Variants in LYPLAL1 observed in about 807,000 individuals in gnomAD.
LYPLAL1 encodes lysophospholipase like 1, also known as lysophospholipase-like protein 1.
Under a neutral mutation model 19.7 loss-of-function variants are expected in LYPLAL1, and 23 were observed. The ratio of observed to expected loss-of-function variants is 1.17; its 90% confidence interval spans 0.84 to 1.65. LYPLAL1 has a LOEUF of 1.65. Ranked by LOEUF, LYPLAL1 falls within the 40% of genes most tolerant of loss-of-function variation. The probability of loss-of-function intolerance (pLI) is 0.00; values close to 1 mark genes in which losing one functional copy is unlikely to be tolerated. For synonymous variants in LYPLAL1, 119 were observed against 96.3 expected, an observed-to-expected ratio of 1.24 and a Z score of -1.38; for missense variants, 355 against 279.4, an observed-to-expected ratio of 1.27 and a Z score of -1.93.
At chr1:219,192,179 GT>G (rs1197731137) in intron 2 of LYPLAL1, among the ~76,000 whole-genome samples, 1 of 151,580 alleles carries the variant, frequency 6.6e-6, no homozygotes, top group Non-Finnish European at 1.5e-5. Flanking sequence ...TTCTACTTGG[GT>G]TTTTCACTAG....
chr1:219,386,824 G>A, the LYPLAL1 span, among the ~76,000 whole-genome samples: 2 of 151,984 alleles, frequency 1.3e-5, no homozygotes, highest in East Asian at 3.9e-4. Context: ...TTCTTGGGAC[G>A]CATAATCATC....
At chr1:219,178,257 G>A (rs1036449382) in intron 1 of LYPLAL1, among the ~76,000 whole-genome samples, 1 of 152,184 alleles carries the variant, frequency 6.6e-6, no homozygotes, top group African/African-American at 2.4e-5. Context: ...CATTTTTGAA[G>A]CAGGTACATT....
chr1:219,359,316 A>G, the LYPLAL1 span, among the ~76,000 whole-genome samples: 1 of 152,184 alleles, frequency 6.6e-6, no homozygotes, highest in East Asian at 1.9e-4. Flanking sequence ...AAGAACATAC[A>G]AAGCAAACTG....
the LYPLAL1 span, chr1:219,222,299 G>T: frequency 6.6e-6 from 1 of 152,050 alleles, no homozygotes; most frequent in Non-Finnish European, 1.5e-5. Flanking sequence ...ATTTTGAGGG[G>T]TCAGTTTCTC....
the LYPLAL1 span, among the ~76,000 whole-genome samples, chr1:219,270,103 A>T: frequency 2.0e-5 from 3 of 152,368 alleles, no homozygotes; most frequent in South Asian, 6.2e-4. Context: ...TATTGGCAGA[A>T]TCCAGGTGGA....
At chr1:219,412,263 A>G in the LYPLAL1 span, among the ~76,000 whole-genome samples, 3 of 152,020 alleles carry the variant, frequency 2.0e-5, no homozygotes, top group Non-Finnish European at 4.4e-5. Flanking sequence ...CCTGATCTCA[A>G]TGATCCTCCT....
At chr1:219,324,507 C>A in the LYPLAL1 span, among the ~76,000 whole-genome samples, 10 of 152,292 alleles carry the variant, frequency 6.6e-5, no homozygotes, top group South Asian at 2.1e-3. Context: ...GTGTTTCCTG[C>A]ATTTAATAAA....
the LYPLAL1 span, among the ~76,000 whole-genome samples, chr1:219,414,278 G>A: frequency 5.3e-5 from 8 of 152,242 alleles, no homozygotes; most frequent in South Asian, 1.7e-3. Context: ...ATTACTTTAT[G>A]TAACTAAGCT....
At chr1:219,201,235 T>A (rs1305726182) in intron 3 of LYPLAL1, among the ~76,000 whole-genome samples, 3 of 152,108 alleles carry the variant, frequency 2.0e-5, no homozygotes, top group Non-Finnish European at 4.4e-5. Flanking sequence ...CTTTTATAAT[T>A]GTTTTGAAAT....
At chr1:219,380,540 C>T in the LYPLAL1 span, among the ~76,000 whole-genome samples, 1 of 152,236 alleles carries the variant, frequency 6.6e-6, no homozygotes, top group African/African-American at 2.4e-5. Context: ...TCGAAGCTGT[C>T]AGCCAACTAT....
At chr1:219,310,560 A>T in the LYPLAL1 span, among the ~76,000 whole-genome samples, 4 of 152,348 alleles carry the variant, frequency 2.6e-5, no homozygotes, top group South Asian at 8.3e-4. Flanking sequence ...GCCTGCCCTT[A>T]TCTCACTTTG....
chr1:219,390,452 G>A, the LYPLAL1 span, among the ~76,000 whole-genome samples: 2 of 152,158 alleles, frequency 1.3e-5, no homozygotes, highest in African/African-American at 4.8e-5. Flanking sequence ...ATCACAACCA[G>A]ACAGATTTTC....
At chr1:219,236,682 T>C in the LYPLAL1 span, among the ~76,000 whole-genome samples, 1 of 152,212 alleles carries the variant, frequency 6.6e-6, no homozygotes, top group East Asian at 1.9e-4. Flanking sequence ...GAACTATAGT[T>C]GGATAGTCTA....
At chr1:219,227,413 T>G in the LYPLAL1 span, among the ~76,000 whole-genome samples, 2 of 152,232 alleles carry the variant, frequency 1.3e-5, no homozygotes, top group Non-Finnish European at 2.9e-5. Context: ...TGAAATCAAT[T>G]TGGGCTTCTT....
the LYPLAL1 span, among the ~76,000 whole-genome samples, chr1:219,322,623 A>C: frequency 6.6e-6 from 1 of 152,206 alleles, no homozygotes; most frequent in Non-Finnish European, 1.5e-5. Flanking sequence ...AACTTCTAAG[A>C]AGTAAAGAAG....
the LYPLAL1 span, among the ~76,000 whole-genome samples, chr1:219,260,979 A>G: frequency 6.6e-6 from 1 of 152,214 alleles, no homozygotes; most frequent in East Asian, 1.9e-4. Flanking sequence ...ATGCCTTTCA[A>G]TAATCCTTGG....
At chr1:219,287,921 A>C in the LYPLAL1 span, among the ~76,000 whole-genome samples, 1 of 152,180 alleles carries the variant, frequency 6.6e-6, no homozygotes, top group South Asian at 2.1e-4. Flanking sequence ...CCATGGTAAG[A>C]CATGCTTGCT....
chr1:219,247,575 A>G, the LYPLAL1 span, among the ~76,000 whole-genome samples: 2 of 152,230 alleles, frequency 1.3e-5, no homozygotes. Context: ...GAGTAGGACT[A>G]TTAACCAGAA....
chr1:219,248,968 C>A, the LYPLAL1 span, among the ~76,000 whole-genome samples: 1 of 151,984 alleles, frequency 6.6e-6, no homozygotes, highest in Admixed American at 6.6e-5. Flanking sequence ...AAAACATGTA[C>A]CCCTTCACAA....
Sources: allele counts gnomAD v4.1 joint callset (sites outside exome capture counted in the v4.1 genomes callset), GRCh38; gene constraint gnomAD v4.1.1; transcripts MANE v1.5; gene names NCBI Gene and HGNC (gene_info 2026-07-23, HGNC 2026-07-21).